The following MTUS2 variants were observed in gnomAD, a reference collection of about 807,000 sequenced individuals.
MTUS2 encodes microtubule associated scaffold protein 2, also known as microtubule-associated tumor suppressor candidate 2.
MTUS2 carries 40 observed loss-of-function variants against 114.1 expected under a neutral mutation model. The observed-to-expected ratio is 0.35, with a 90% CI of 0.27 to 0.46. MTUS2 has a LOEUF of 0.46. MTUS2 is among the 20% of genes least tolerant of loss of function. MTUS2 has a pLI of 1.00. For missense variants in MTUS2, 1,679 were observed against 1,705.4 expected (o/e 0.98, Z 0.27); for synonymous variants, 688 against 672.0 (o/e 1.02, Z -0.37).
chr13:29,331,845 A>T (rs955990390), intron 7 of MTUS2, among the ~76,000 whole-genome samples: 1 of 152,124 alleles, frequency 6.6e-6, no homozygotes, highest in African/African-American at 2.4e-5. Context: ...GGTTCTGTTT[A>T]TGTGATGGAT....
At chr13:28,883,618 A>C (rs2138147371) in intron 2 of MTUS2, among the ~76,000 whole-genome samples, 1 of 152,348 alleles carries the variant, frequency 6.6e-6, no homozygotes, top group African/African-American at 2.4e-5. Context: ...GATGGAGAAC[A>C]GATAGTGGTT....
At chr13:28,949,413 A>G (rs987910884) in intron 2 of MTUS2, among the ~76,000 whole-genome samples, 2 of 152,212 alleles carry the variant, frequency 1.3e-5, no homozygotes, top group South Asian at 2.1e-4. Flanking sequence ...CTATCTTGCT[A>G]TCTTTTAATT....
intron 4 of MTUS2, among the ~76,000 whole-genome samples, chr13:29,056,737 G>C (rs1888152491): frequency 6.6e-6 from 1 of 151,808 alleles, no homozygotes; most frequent in Non-Finnish European, 1.5e-5. Flanking sequence ...TATCCATGTT[G>C]TTTATTCTTT....
intron 1 of MTUS2, among the ~76,000 whole-genome samples, chr13:28,838,191 C>T (rs1483804099): frequency 6.6e-6 from 1 of 152,202 alleles, no homozygotes; most frequent in African/African-American, 2.4e-5. Flanking sequence ...TAGTAGGCTG[C>T]TGATTTAATG....
At chr13:29,210,288 A>G (rs1463093102) in intron 5 of MTUS2, among the ~76,000 whole-genome samples, 1 of 151,504 alleles carries the variant, frequency 6.6e-6, no homozygotes, top group Non-Finnish European at 1.5e-5. Context: ...GATTTGTTTT[A>G]TTTATTTATG....
chr13:29,283,046 G>A (rs909596825), intron 6 of MTUS2, among the ~76,000 whole-genome samples: 2 of 152,170 alleles, frequency 1.3e-5, no homozygotes, highest in Non-Finnish European at 2.9e-5. Flanking sequence ...CTGGAGTGGT[G>A]TTGCTTTGTT....
chr13:29,357,472 T>TA (rs1869844157), intron 7 of MTUS2, among the ~76,000 whole-genome samples: 1 of 152,168 alleles, frequency 6.6e-6, no homozygotes, highest in Non-Finnish European at 1.5e-5. Context: ...AAGTGTTTTA[T>TA]AAAATCACGA....
chr13:28,914,482 C>G (rs563116957), intron 2 of MTUS2, among the ~76,000 whole-genome samples: 21 of 151,984 alleles, frequency 1.4e-4, no homozygotes, highest in African/African-American at 5.1e-4. Context: ...CACTTCTTTT[C>G]CATTTTCTGA....
chr13:28,971,693 A>G (rs1883863950), intron 2 of MTUS2, among the ~76,000 whole-genome samples: 1 of 152,174 alleles, frequency 6.6e-6, no homozygotes. Flanking sequence ...AATGCTTTCT[A>G]TTTTACGCAG....
chr13:29,381,984 C>T lies in MTUS2; in HGVS notation c.3117+22511C>T, dbSNP rs559090012. On this transcript the variant is annotated intron_variant, in intron 8 of 15. Transcript: ENST00000612955. ...CATTGCGTGTCTCCTGGGCTGGAAA[C>T]TCTGCTCAGAACGGGGAATACAACA... 5.3e-5 allele frequency among the ~76,000 whole-genome samples: 8 copies of T among 152,362 alleles called. No individual in the cohort carries two copies. The East Asian group carries it at 1.5e-3, about 29-fold the overall frequency.
rs551708762 is a variant in MTUS2 at position 29,148,200 on chromosome 13, CT to C, written c.2644+47243del. On this transcript the variant is annotated intron_variant, in intron 5 of 15. Coordinates refer to ENST00000612955, the MANE Select transcript of MTUS2 (RefSeq NM_001033602.4). The stretch of plus-strand genomic sequence containing the variant: ...TTTTCTGATGATTAGTGATGTTGAG[CT>C]TTTTTTTTTTTTCATTTCCAACTTT... 5.1e-3 allele frequency among the ~76,000 whole-genome samples: 708 copies of C among 138,370 alleles called. 3 individuals carry two copies. Among genetic ancestry groups the C allele is most frequent in the African/African-American group, 8.1e-3 (306 of 37,936 alleles). 90.8% of individuals were successfully genotyped at this position (138,370 alleles called of 152,430 possible).
chr13:29,093,011 A>T (rs1292038858), intron 4 of MTUS2, among the ~76,000 whole-genome samples: 1 of 151,896 alleles, frequency 6.6e-6, no homozygotes, highest in Non-Finnish European at 1.5e-5. Context: ...TACCACCCTC[A>T]CTCCTGTCCC....
chr13:29,387,026 T>G (rs1311076551), intron 8 of MTUS2, among the ~76,000 whole-genome samples: 1 of 152,208 alleles, frequency 6.6e-6, no homozygotes. Context: ...TCCACAGATC[T>G]TTACTTAGTG....
chr13:28,940,600 T>C (rs1157009364), intron 2 of MTUS2, among the ~76,000 whole-genome samples: 2 of 151,638 alleles, frequency 1.3e-5, no homozygotes, highest in Non-Finnish European at 2.9e-5. Flanking sequence ...AATAGAACTA[T>C]AAGAGAGTAG....
chr13:29,248,462 A>G (rs573912063), intron 5 of MTUS2, among the ~76,000 whole-genome samples: 1 of 152,334 alleles, frequency 6.6e-6, no homozygotes, highest in East Asian at 1.9e-4. Flanking sequence ...AAAAATTTTT[A>G]AATATATTTT....
chr13:29,401,608 G>A (rs148793188), intron 8 of MTUS2, among the ~76,000 whole-genome samples: 236 of 152,198 alleles, frequency 1.6e-3, no homozygotes, highest in African/African-American at 5.4e-3. Flanking sequence ...GAATACTCCA[G>A]CATCCCCCAT....
At chr13:29,051,209 T>G (rs1188034837) in intron 4 of MTUS2, among the ~76,000 whole-genome samples, 5 of 152,048 alleles carry the variant, frequency 3.3e-5, no homozygotes, top group African/African-American at 1.2e-4. Flanking sequence ...ATTATTGGGA[T>G]ACATTTTGGA....
At chr13:29,344,722 GT>G (rs1282910727) in intron 7 of MTUS2, among the ~76,000 whole-genome samples, 1 of 151,918 alleles carries the variant, frequency 6.6e-6, no homozygotes, top group African/African-American at 2.4e-5. Context: ...CCTTGTTGTT[GT>G]TTTTTTGTCA....
intron 2 of MTUS2, among the ~76,000 whole-genome samples, chr13:28,965,255 A>G (rs901829373): frequency 1.3e-4 from 20 of 152,196 alleles, no homozygotes; most frequent in Non-Finnish European, 2.6e-4. Flanking sequence ...TGCCCCATTC[A>G]ACACAAGGGG....
Sources: gnomAD v4.1 joint callset for allele counts (sites outside exome capture counted in the v4.1 genomes callset) on GRCh38, gnomAD v4.1.1 for gene constraint, MANE v1.5 for transcripts, NCBI Gene and HGNC (gene_info 2026-07-23, HGNC 2026-07-21) for gene names.